Variants in TENM2 observed in about 807,000 individuals in gnomAD.
TENM2 encodes the protein teneurin transmembrane protein 2, also known as teneurin-2.
In TENM2, 52 loss-of-function variants were observed where a neutral mutation model predicts 245.2. The observed-to-expected ratio is 0.21, with a 90% CI of 0.17 to 0.27. The LOEUF (loss-of-function observed/expected upper bound fraction) is 0.27. Ranked by LOEUF, TENM2 falls within the 10% of genes least tolerant of loss-of-function variation. TENM2 has a pLI of 1.00. For synonymous variants in TENM2, 1,363 were observed against 1,438.9 expected, an observed-to-expected ratio of 0.95 and a Z score of 1.19; for missense variants, 3,046 against 3,666.8, an observed-to-expected ratio of 0.83 and a Z score of 4.37.
intron 6 of TENM2, among the ~76,000 whole-genome samples, chr5:168,048,329 C>T (rs956670571): frequency 2.0e-5 from 3 of 152,066 alleles, no homozygotes; most frequent in Non-Finnish European, 2.9e-5. Flanking sequence ...GGATGGAAAT[C>T]GCAAGGGAGA....
chr5:167,746,163 C>T (rs1761544000), intron 2 of TENM2, among the ~76,000 whole-genome samples: 1 of 152,178 alleles, frequency 6.6e-6, no homozygotes, highest in African/African-American at 2.4e-5. Flanking sequence ...CCGTACACTT[C>T]GGACTATGCC....
chr5:167,173,644 C>T, the TENM2 span, among the ~76,000 whole-genome samples: 3,332 of 151,878 alleles, frequency 0.022, 105 homozygotes, highest in African/African-American at 0.075. Flanking sequence ...TTGCTACTTA[C>T]CATTTTAATA....
chr5:167,762,900 C>G (rs1225362863), intron 2 of TENM2, among the ~76,000 whole-genome samples: 1 of 152,348 alleles, frequency 6.6e-6, no homozygotes, highest in East Asian at 1.9e-4. Context: ...TACAGAACAT[C>G]TGCCATGTGC....
chr5:167,156,891 A>T, the TENM2 span, among the ~76,000 whole-genome samples: 1 of 152,192 alleles, frequency 6.6e-6, no homozygotes, highest in Non-Finnish European at 1.5e-5. Flanking sequence ...GTTATATTCT[A>T]AGGGAGTCTA....
chr5:167,588,611 T>C (rs1775668063), intron 2 of TENM2, among the ~76,000 whole-genome samples: 1 of 152,210 alleles, frequency 6.6e-6, no homozygotes, highest in Non-Finnish European at 1.5e-5. Flanking sequence ...CTTGGGAAGC[T>C]AAAACAAAAC....
At chr5:167,586,959 C>T (rs535308613) in intron 2 of TENM2, among the ~76,000 whole-genome samples, 12 of 152,220 alleles carry the variant, frequency 7.9e-5, no homozygotes, top group Admixed American at 2.6e-4. Context: ...AATTGTTGGG[C>T]TCTGAGGGGG....
chr5:168,150,849 A>G (rs1756584673), intron 12 of TENM2, among the ~76,000 whole-genome samples: 1 of 152,184 alleles, frequency 6.6e-6, no homozygotes, highest in Admixed American at 6.5e-5. Context: ...TGCAGTGATT[A>G]TGACCCTGGG....
At chr5:167,387,139 C>T (rs1488004640) in intron 2 of TENM2, among the ~76,000 whole-genome samples, 1 of 152,186 alleles carries the variant, frequency 6.6e-6, no homozygotes, top group Non-Finnish European at 1.5e-5. Flanking sequence ...CATCCATGAG[C>T]ATGGGATGTG....
intron 14 of TENM2, 159 bp downstream of exon 16, chr5:168,190,706 T>C: frequency 1.6e-6 from 1 of 614,268 alleles, no homozygotes. Flanking sequence ...TGCCCTTTCC[T>C]CACTTTGTGT....
intron 5 of TENM2, among the ~76,000 whole-genome samples, chr5:168,032,372 G>A (rs982396334): frequency 6.6e-6 from 1 of 152,198 alleles, no homozygotes; most frequent in Non-Finnish European, 1.5e-5. Context: ...CTCAATAGTT[G>A]CTGGTGAATT....
At chr5:167,464,928 A>G (rs1485049064) in intron 2 of TENM2, among the ~76,000 whole-genome samples, 1 of 152,258 alleles carries the variant, frequency 6.6e-6, no homozygotes, top group Non-Finnish European at 1.5e-5. Flanking sequence ...ATCAGCATGC[A>G]TAGTATGTAC....
At chr5:167,243,011 G>C in the TENM2 span, among the ~76,000 whole-genome samples, 1 of 151,970 alleles carries the variant, frequency 6.6e-6, no homozygotes, top group Non-Finnish European at 1.5e-5. Context: ...TTTAACAGCA[G>C]CTGGGACATG....
intron 5 of TENM2, among the ~76,000 whole-genome samples, chr5:168,036,770 C>T (rs112029087): frequency 1.6e-4 from 20 of 126,550 alleles, no homozygotes; most frequent in African/African-American, 4.6e-4. Context: ...TATATATATA[C>T]GTATGTGTAT....
At chr5:167,975,788 G>A (rs1231679897) in intron 4 of TENM2, among the ~76,000 whole-genome samples, 1 of 150,764 alleles carries the variant, frequency 6.6e-6, no homozygotes, top group Non-Finnish European at 1.5e-5. Flanking sequence ...ATTCAAATGG[G>A]AAAATAGATA....
At chr5:167,735,424 T>G (rs76831125) in intron 2 of TENM2, among the ~76,000 whole-genome samples, 16,014 of 152,280 alleles carry the variant, frequency 0.11, 1,535 homozygotes, top group East Asian at 0.47. Context: ...CAATACTAAA[T>G]AAATGTAATT....
intron 6 of TENM2, among the ~76,000 whole-genome samples, chr5:168,059,445 G>A (rs1389151833): frequency 2.0e-5 from 3 of 152,086 alleles, no homozygotes; most frequent in Admixed American, 6.6e-5. Flanking sequence ...AGTTAAAGAT[G>A]AATCATGTTT....
chr5:168,069,457 G>A (rs1790793645), intron 7 of TENM2, among the ~76,000 whole-genome samples: 1 of 152,078 alleles, frequency 6.6e-6, no homozygotes, highest in Admixed American at 6.6e-5. Flanking sequence ...ATTCATCCGA[G>A]CTCTTATAAA....
chr5:167,061,941 C>G, the TENM2 span, among the ~76,000 whole-genome samples: 1 of 151,454 alleles, frequency 6.6e-6, no homozygotes, highest in Non-Finnish European at 1.5e-5. Context: ...TGAAGTATGA[C>G]TTGTCATGAA....
the TENM2 span, among the ~76,000 whole-genome samples, chr5:166,984,474 T>G: frequency 3.2e-3 from 477 of 150,536 alleles, 1 homozygote; most frequent in Middle Eastern, 0.031. Context: ...AGAATAAGTG[T>G]CTATGTGGAA....
Sources: allele counts gnomAD v4.1 joint callset (sites outside exome capture counted in the v4.1 genomes callset), GRCh38; gene constraint gnomAD v4.1.1; transcripts MANE v1.5; gene names NCBI Gene and HGNC (gene_info 2026-07-23, HGNC 2026-07-21).